Variants in HS1BP3 observed in about 807,000 individuals in gnomAD.
The protein encoded by HS1BP3 is HCLS1-binding protein 3.
A neutral mutation model predicts 33.5 loss-of-function variants in HS1BP3; 32 were observed. That is an observed-to-expected ratio of 0.95 (90% CI 0.72 to 1.28). The LOEUF is 1.28. HS1BP3 is among the 50% of genes most tolerant of loss of function. HS1BP3 has a pLI of 0.00. For synonymous variants in HS1BP3, 187 were observed against 209.2 expected (o/e 0.89, Z 0.92); for missense variants, 486 against 502.3 (o/e 0.97, Z 0.31).
chr2:20,605,466 T>G (rs1229114040), intron 2 of HS1BP3, among the ~76,000 whole-genome samples: 1 of 152,178 alleles, frequency 6.6e-6, no homozygotes, highest in Admixed American at 6.5e-5. Flanking sequence ...AAATTTACCA[T>G]TTTAACCATT....
chr2:20,599,667 A>T (rs1243709485), intron 2 of HS1BP3, among the ~76,000 whole-genome samples: 16 of 144,386 alleles, frequency 1.1e-4, no homozygotes, highest in Non-Finnish European at 1.4e-4. Flanking sequence ...TTTTTTTTTT[A>T]AAGATCTGAC....
intron 5 of HS1BP3, among the ~76,000 whole-genome samples, chr2:20,570,231 G>A (rs553830975): frequency 2.6e-5 from 4 of 152,096 alleles, no homozygotes; most frequent in Admixed American, 6.5e-5. Flanking sequence ...ATGGAGTCCC[G>A]CTTCTGTTTT....
At chr2:20,574,021 T>C (rs1208293036) in intron 5 of HS1BP3, among the ~76,000 whole-genome samples, 1 of 152,216 alleles carries the variant, frequency 6.6e-6, no homozygotes, top group African/African-American at 2.4e-5. Context: ...CCATAGAGAA[T>C]GCAAAACTAG....
intron 5 of HS1BP3, among the ~76,000 whole-genome samples, chr2:20,583,175 C>T (rs1191466725): frequency 1.3e-5 from 2 of 152,254 alleles, no homozygotes; most frequent in African/African-American, 4.8e-5. Context: ...CTGTCCTGAG[C>T]TGAGTTTCTC....
chr2:20,650,159 C>T lies in HS1BP3; in HGVS notation c.32+873G>A, dbSNP rs1015739623. ...TCATACCTTTCTAGACCTGAAGTCA[C>T]GGGGAATTCCTGATTACAACTGGAA... On this transcript the variant is annotated intron_variant, in intron 1 of 6. Transcript: ENST00000304031. 2.6e-5 allele frequency among the ~76,000 whole-genome samples: 4 copies of T among 152,112 alleles called. No homozygotes were observed. In the East Asian group the frequency reaches 5.8e-4, roughly 22 times the overall value.
At chr2:20,641,771 C>G (rs550736061) in intron 2 of HS1BP3, among the ~76,000 whole-genome samples, 1 of 152,338 alleles carries the variant, frequency 6.6e-6, no homozygotes, top group South Asian at 2.1e-4. Context: ...TGAGCACCAT[C>G]TGACTCAGAG....
the HS1BP3 span, among the ~76,000 whole-genome samples, chr2:20,555,300 A>T: frequency 2.6e-5 from 4 of 152,236 alleles, no homozygotes; most frequent in Non-Finnish European, 4.4e-5. Flanking sequence ...TATCAGACCA[A>T]CTATAGGACT....
intron 2 of HS1BP3, 85 bp downstream of exon 2, chr2:20,645,255 C>T: frequency 7.2e-7 from 1 of 1,383,112 alleles, no homozygotes; most frequent in Non-Finnish European, 9.9e-7. Flanking sequence ...GCTCTGGATG[C>T]TACTTGAACC....
At chr2:20,571,784 C>T (rs565478695) in intron 5 of HS1BP3, among the ~76,000 whole-genome samples, 63 of 152,356 alleles carry the variant, frequency 4.1e-4, no homozygotes, top group African/African-American at 1.5e-3. Context: ...TCCACCTGCT[C>T]ACATCAGGTG....
intron 3 of HS1BP3, among the ~76,000 whole-genome samples, chr2:20,597,485 A>G (rs1693969471): frequency 6.6e-6 from 1 of 152,134 alleles, no homozygotes; most frequent in Non-Finnish European, 1.5e-5. Flanking sequence ...CTCAGCTCTA[A>G]GAAAAGGAAG....
intron 2 of HS1BP3, among the ~76,000 whole-genome samples, chr2:20,604,927 C>A (rs1001340792): frequency 6.6e-6 from 1 of 152,204 alleles, no homozygotes; most frequent in Non-Finnish European, 1.5e-5. Context: ...AGATTCTCTG[C>A]AGCCCAGGCT....
At chr2:20,606,594 C>CT in intron 2 of HS1BP3, 1 of 487,384 alleles carries the variant, frequency 2.1e-6, no homozygotes, top group Non-Finnish European at 4.1e-6. Context: ...CTCACTGGGT[C>CT]TTTGTCTTTC....
At chr2:20,637,749 G>A (rs73237122) in intron 4 of HS1BP3, 4,495 of 152,536 alleles carry the variant, frequency 0.029, 77 homozygotes, top group African/African-American at 0.05. Context: ...CTCATCTGGC[G>A]CCCGAGGGCT....
At chr2:20,649,164 C>A (rs150278337) in intron 1 of HS1BP3, among the ~76,000 whole-genome samples, 2 of 152,174 alleles carry the variant, frequency 1.3e-5, no homozygotes, top group African/African-American at 4.8e-5. Flanking sequence ...AATCTGATGG[C>A]CCCTCCACAG....
intron 5 of HS1BP3, among the ~76,000 whole-genome samples, chr2:20,573,842 G>A (rs1693335945): frequency 6.6e-6 from 1 of 152,216 alleles, no homozygotes. Flanking sequence ...GACTCCTTGT[G>A]AGACACAACA....
At chr2:20,561,010 A>G (rs578122717) in intron 5 of HS1BP3, among the ~76,000 whole-genome samples, 1 of 152,154 alleles carries the variant, frequency 6.6e-6, no homozygotes, top group Non-Finnish European at 1.5e-5. Context: ...GAATCCAGAG[A>G]GAGCAGCCAG....
chr2:20,565,992 A>C (rs1441976292), intron 5 of HS1BP3, among the ~76,000 whole-genome samples: 2 of 152,240 alleles, frequency 1.3e-5, no homozygotes, highest in African/African-American at 4.8e-5. Flanking sequence ...TATGGTAGTT[A>C]TGACAACCCT....
At chr2:20,606,528 T>C in intron 2 of HS1BP3, 1 of 472,556 alleles carries the variant, frequency 2.1e-6, no homozygotes, top group South Asian at 1.7e-5. Flanking sequence ...TTATTGGGCT[T>C]GTCCCGAACT....
chr2:20,554,292 C>G, the HS1BP3 span, among the ~76,000 whole-genome samples: 182 of 152,348 alleles, frequency 1.2e-3, 1 homozygote, highest in African/African-American at 3.8e-3. Context: ...GAATGATCTG[C>G]TAACATTGAG....
Sources: gnomAD v4.1 joint callset for allele counts (sites outside exome capture counted in the v4.1 genomes callset) on GRCh38, gnomAD v4.1.1 for gene constraint, MANE v1.5 for transcripts, NCBI Gene and HGNC (gene_info 2026-07-23, HGNC 2026-07-21) for gene names.